The following C8orf34 variants were observed in gnomAD, a reference collection of about 807,000 sequenced individuals.
C8orf34 encodes the protein chromosome 8 open reading frame 34.
In C8orf34, 65 loss-of-function variants were observed where a neutral mutation model predicts 68.3. The ratio of observed to expected loss-of-function variants is 0.95; its 90% CI spans 0.78 to 1.17. C8orf34 has a LOEUF of 1.17. C8orf34 is among the 50% of genes most tolerant of loss of function. The pLI is 0.00. For missense variants in C8orf34, 664 were observed against 655.4 expected (o/e 1.01, Z -0.14); for synonymous variants, 244 against 241.2 (o/e 1.01, Z -0.11).
At chr8:68,668,768 C>T (rs929482190) in intron 8 of C8orf34, among the ~76,000 whole-genome samples, 2 of 152,146 alleles carry the variant, frequency 1.3e-5, no homozygotes, top group Non-Finnish European at 2.9e-5. Flanking sequence ...CAGAGAAGGG[C>T]TCAAGGTGTC....
chr8:68,431,497 A>G (rs1424645542), intron 1 of C8orf34, among the ~76,000 whole-genome samples: 1 of 152,166 alleles, frequency 6.6e-6, no homozygotes, highest in Non-Finnish European at 1.5e-5. Flanking sequence ...GTCCTACCTA[A>G]CACTAAATCA....
intron 7 of C8orf34, among the ~76,000 whole-genome samples, chr8:68,590,813 C>T (rs1477007538): frequency 1.3e-5 from 2 of 152,138 alleles, no homozygotes; most frequent in Admixed American, 6.5e-5. Flanking sequence ...AGAACTGAGA[C>T]AGCTCTGAGG....
At chr8:68,420,429 C>A (rs1456283294) in intron 1 of C8orf34, among the ~76,000 whole-genome samples, 1 of 151,968 alleles carries the variant, frequency 6.6e-6, no homozygotes, top group Non-Finnish European at 1.5e-5. Flanking sequence ...GGATTGTTAG[C>A]ATCCACAGGT....
chr8:68,782,080 C>A (rs1319144178), intron 11 of C8orf34, among the ~76,000 whole-genome samples: 1 of 152,140 alleles, frequency 6.6e-6, no homozygotes, highest in Non-Finnish European at 1.5e-5. Context: ...ATTAAAAACA[C>A]TTTTTCATGA....
At chr8:68,624,271 C>CAAA (rs35851704) in intron 7 of C8orf34, among the ~76,000 whole-genome samples, 3 of 81,102 alleles carry the variant, frequency 3.7e-5, no homozygotes, top group African/African-American at 4.3e-5. Flanking sequence ...GGCTCTGTCT[C>CAAA]AAAAAAAAAA....
chr8:68,532,622 A>G (rs903141906), intron 6 of C8orf34, among the ~76,000 whole-genome samples: 2 of 152,196 alleles, frequency 1.3e-5, no homozygotes, highest in Non-Finnish European at 2.9e-5. Flanking sequence ...ATTCCATCGA[A>G]TGTGTTTTCC....
In C8orf34 at chr8:68,377,850, T is replaced by TA. The variant is rs938708931; in HGVS notation, c.327+46512dup. 1.5e-4 allele frequency among the ~76,000 whole-genome samples: 23 copies of TA among 152,250 alleles called. 1 individual carries two copies. The highest frequency in any genetic ancestry group is 6.8e-3 in the Middle Eastern group (2 of 294). On this transcript the variant is annotated intron_variant, in intron 1 of 13. Transcript: ENST00000518698. ...ATGGCTGGGGAGGCCTCAGGAAACT[T>TA]ACAATCACGGTGGAAGGCAAAGGAT...
chr8:68,696,069 G>T (rs1476496136), intron 8 of C8orf34, among the ~76,000 whole-genome samples: 2 of 151,802 alleles, frequency 1.3e-5, no homozygotes, highest in Non-Finnish European at 2.9e-5. Context: ...AAAAGGCTGA[G>T]GTTAGGGGAT....
At chr8:68,371,766 A>G (rs1437625075) in intron 1 of C8orf34, among the ~76,000 whole-genome samples, 1 of 151,750 alleles carries the variant, frequency 6.6e-6, no homozygotes, top group African/African-American at 2.4e-5. Context: ...CACCCAGCTA[A>G]TTTTTGTATT....
At chr8:68,796,502 AC>A (rs57699974) in intron 12 of C8orf34, among the ~76,000 whole-genome samples, 45,014 of 152,044 alleles carry the variant, frequency 0.3, 7,437 homozygotes, top group African/African-American at 0.44. Context: ...GCTATTAAAA[AC>A]AATTCTGTGG....
intron 7 of C8orf34, among the ~76,000 whole-genome samples, chr8:68,583,965 CA>C (rs962735083): frequency 4.0e-5 from 6 of 151,664 alleles, no homozygotes; most frequent in African/African-American, 7.3e-5. Flanking sequence ...CAAAAATTTT[CA>C]AAAAAGTCTG....
intron 7 of C8orf34, among the ~76,000 whole-genome samples, chr8:68,630,928 C>A (rs979336814): frequency 6.7e-6 from 1 of 149,362 alleles, no homozygotes; most frequent in Non-Finnish European, 1.5e-5. Context: ...CACAGGCATG[C>A]CCCAACATGC....
chr8:68,631,534 T>G (rs1585643036), intron 7 of C8orf34, among the ~76,000 whole-genome samples: 1 of 152,334 alleles, frequency 6.6e-6, no homozygotes, highest in East Asian at 1.9e-4. Context: ...TAATATTCCA[T>G]TCTGCTATCC....
In C8orf34 at chr8:68,721,438, G is replaced by A. The variant is rs1485268641; in HGVS notation, c.1404+1G>A. 3 of 1,593,704 alleles carry A rather than the reference G, an allele frequency of 1.9e-6. No individual in the cohort carries two copies. Among genetic ancestry groups the A allele is most frequent in the Admixed American group, 3.4e-5 (2 of 59,662 alleles). On this transcript the variant is annotated splice_donor_variant, in intron 10 of 13. Transcript: ENST00000518698. LOFTEE classifies it high-confidence loss of function. Reference sequence around the variant, plus strand: ...GAAAGCATCTAAACTAACAGGACCTGTAAGTATATTCATTGACTTATTTTT... The same window carrying A: ...GAAAGCATCTAAACTAACAGGACCTATAAGTATATTCATTGACTTATTTTT...
At position 68,801,421 on chromosome 8, in the gene C8orf34, T is replaced by A. The variant is rs540000026; in HGVS notation, c.1549+13885T>A. On this transcript the variant is annotated intron_variant, in intron 12 of 13. Transcript: ENST00000518698. Reference sequence around the variant, plus strand: ...TGCCATGGTTTCTCCCAATCCAGAATGTTCTCCAACCAATTTGTTTCATTC... The same window carrying A: ...TGCCATGGTTTCTCCCAATCCAGAAAGTTCTCCAACCAATTTGTTTCATTC... Among the ~76,000 whole-genome samples the A allele has an allele frequency of 8.5e-5, 13 of 152,342 alleles. No individual in the cohort carries two copies. In the South Asian group the frequency reaches 2.7e-3, roughly 32 times the overall value.
intron 1 of C8orf34, among the ~76,000 whole-genome samples, chr8:68,367,998 C>CT (rs1006842582): frequency 2.0e-5 from 3 of 148,196 alleles, no homozygotes; most frequent in Non-Finnish European, 4.5e-5. Flanking sequence ...CTGCTCTGCA[C>CT]TAGTGAAGGT....
rs547428563 is a variant in C8orf34, at chr8:68,461,478, ACATATAATTGT to A, written c.608-7211_608-7201del. 5.2e-3 allele frequency among the ~76,000 whole-genome samples: 788 copies of A among 152,264 alleles called. 5 individuals are homozygous for A. Among genetic ancestry groups the A allele is most frequent in the African/African-American group, 0.018 (746 of 41,552 alleles). On this transcript the variant is annotated intron_variant, in intron 3 of 13. Transcript: ENST00000518698. The stretch of plus-strand genomic sequence containing the variant: ...ATTCCTCGAGAAGAGCAACTCCAAG[ACATATAATTGT>A]CAGATTCACCAAAGTTGAAATGAAG...
In C8orf34 at chr8:68,790,684, A is replaced by G. The variant is rs556318771; in HGVS notation, c.1549+3148A>G. The G allele has an allele frequency of 1.4e-5, 6 of 437,158 alleles. No individual in the cohort carries two copies. The South Asian group carries it at 4.1e-4, about 30-fold the overall frequency. The allele number at this position is 437,158 out of a possible 1,614,324, so 27.1% of individuals were successfully genotyped here. On this transcript the variant is annotated intron_variant, in intron 12 of 13. Coordinates refer to ENST00000518698, the MANE Select transcript of C8orf34 (RefSeq NM_052958.4). ...AAAGTATAAATTCAAGTGTGAAAAA[A>G]CTTGTGTCAGGGTTGTGTTTCTTTC...
chr8:68,684,621 A>G (rs1208654677), intron 8 of C8orf34, among the ~76,000 whole-genome samples: 1 of 152,140 alleles, frequency 6.6e-6, no homozygotes, highest in Admixed American at 6.6e-5. Flanking sequence ...GACATTATAT[A>G]TGATTTCTGA....
Sources: allele counts gnomAD v4.1 joint callset (sites outside exome capture counted in the v4.1 genomes callset), GRCh38; gene constraint gnomAD v4.1.1; transcripts MANE v1.5; gene names NCBI Gene and HGNC (gene_info 2026-07-23, HGNC 2026-07-21).